The following GRID2 variants were observed in gnomAD, a reference collection of about 807,000 sequenced individuals.
The protein encoded by GRID2 is glutamate ionotropic receptor delta type subunit 2.
Under a neutral mutation model 114.8 loss-of-function variants are expected in GRID2, and 33 were observed. That is an observed-to-expected ratio of 0.29 (90% CI 0.22 to 0.38). The LOEUF (loss-of-function observed/expected upper bound fraction) is 0.38. GRID2 is among the 10% of genes least tolerant of loss of function. The pLI is 1.00. For synonymous variants in GRID2, 505 were observed against 449.9 expected, an observed-to-expected ratio of 1.12 and a Z score of -1.55; for missense variants, 1,184 against 1,257.7, an observed-to-expected ratio of 0.94 and a Z score of 0.89.
intron 1 of GRID2, among the ~76,000 whole-genome samples, chr4:92,347,938 A>C (rs1187936102): frequency 6.6e-6 from 1 of 152,204 alleles, no homozygotes; most frequent in African/African-American, 2.4e-5. Context: ...AGCTTTATAA[A>C]ATAAGTAATA....
intron 8 of GRID2, among the ~76,000 whole-genome samples, chr4:93,344,919 C>T (rs933845951): frequency 2.0e-5 from 3 of 151,464 alleles, no homozygotes; most frequent in Non-Finnish European, 4.4e-5. Flanking sequence ...AAAAGTTCCT[C>T]CAGTTTTATC....
At chr4:93,065,820 A>G (rs1014740567) in intron 2 of GRID2, among the ~76,000 whole-genome samples, 12 of 151,996 alleles carry the variant, frequency 7.9e-5, no homozygotes, top group Non-Finnish European at 1.5e-4. Flanking sequence ...GTTTAGCTGT[A>G]TCCCATCTGC....
intron 2 of GRID2, among the ~76,000 whole-genome samples, chr4:92,792,715 C>T (rs1389635371): frequency 6.6e-6 from 1 of 151,692 alleles, no homozygotes; most frequent in Non-Finnish European, 1.5e-5. Context: ...AGAAATTTTC[C>T]ACATATTTGC....
At chr4:93,050,172 T>C (rs1490539793) in intron 2 of GRID2, among the ~76,000 whole-genome samples, 3 of 152,100 alleles carry the variant, frequency 2.0e-5, no homozygotes, top group African/African-American at 7.2e-5. Flanking sequence ...TAACAATGTA[T>C]AGCCCTGCAA....
intron 4 of GRID2, among the ~76,000 whole-genome samples, chr4:93,119,337 G>GA (rs1733565845): frequency 2.0e-5 from 3 of 151,948 alleles, no homozygotes; most frequent in South Asian, 2.1e-4. Flanking sequence ...ATGATATTTT[G>GA]AAAAAAATGT....
At chr4:93,028,949 C>A (rs1724138381) in intron 2 of GRID2, among the ~76,000 whole-genome samples, 1 of 151,852 alleles carries the variant, frequency 6.6e-6, no homozygotes, top group Non-Finnish European at 1.5e-5. Context: ...TAAATACAAG[C>A]AGAGCAGGAG....
intron 2 of GRID2, among the ~76,000 whole-genome samples, chr4:92,665,304 CT>C (rs1732718606): frequency 6.7e-6 from 1 of 149,310 alleles, no homozygotes; most frequent in South Asian, 2.1e-4. Flanking sequence ...AAAAAAAAAC[CT>C]CTGCTCCTTG....
intron 13 of GRID2, among the ~76,000 whole-genome samples, chr4:93,620,777 G>A (rs778376737): frequency 1.2e-4 from 19 of 152,142 alleles, no homozygotes; most frequent in Admixed American, 2.0e-4. Flanking sequence ...GTGCATAAAC[G>A]AGAAATGGTC....
chr4:93,505,096 C>A (rs748541738), intron 12 of GRID2, among the ~76,000 whole-genome samples: 35 of 151,972 alleles, frequency 2.3e-4, no homozygotes, highest in African/African-American at 8.5e-4. Flanking sequence ...TTAAAAAAAA[C>A]ATGAAGTCAG....
intron 2 of GRID2, among the ~76,000 whole-genome samples, chr4:93,026,241 A>T (rs1435729740): frequency 2.0e-5 from 3 of 151,724 alleles, no homozygotes; most frequent in African/African-American, 7.2e-5. Context: ...CTTTATTCAA[A>T]TGTTTTCTGA....
At chr4:93,795,955 G>T (rs1030556146) in intron 1 of GRID2, among the ~76,000 whole-genome samples, 2 of 152,190 alleles carry the variant, frequency 1.3e-5, no homozygotes, top group African/African-American at 4.8e-5. Flanking sequence ...TGTTGGCTGA[G>T]CCGCCTTTCT....
intron 2 of GRID2, among the ~76,000 whole-genome samples, chr4:92,660,191 T>TGG (rs1732452647): frequency 6.6e-6 from 1 of 151,310 alleles, no homozygotes; most frequent in Non-Finnish European, 1.5e-5. Flanking sequence ...AGGCCAGAGT[T>TGG]GGGCCAAGAT....
chr4:92,776,031 A>T (rs1273962649), intron 2 of GRID2, among the ~76,000 whole-genome samples: 1 of 152,192 alleles, frequency 6.6e-6, no homozygotes. Flanking sequence ...AGGCCATATG[A>T]TTCTGTAAAA....
intron 14 of GRID2, among the ~76,000 whole-genome samples, chr4:93,742,015 T>A (rs1731464703): frequency 6.6e-6 from 1 of 152,052 alleles, no homozygotes. Flanking sequence ...TGGCCAAATC[T>A]AGGAAATAGG....
intron 8 of GRID2, among the ~76,000 whole-genome samples, chr4:93,299,031 T>C (rs976082414): frequency 6.6e-6 from 1 of 152,156 alleles, no homozygotes; most frequent in African/African-American, 2.4e-5. Context: ...AATGTAGTTA[T>C]GATAGAAAAA....
At chr4:93,199,000 AG>A (rs1220140840) in intron 4 of GRID2, among the ~76,000 whole-genome samples, 3 of 152,132 alleles carry the variant, frequency 2.0e-5, no homozygotes, top group African/African-American at 4.8e-5. Context: ...TACTCTGCCA[AG>A]GGTCATTTAG....
intron 4 of GRID2, among the ~76,000 whole-genome samples, chr4:93,162,377 A>G (rs1482951168): frequency 6.6e-6 from 1 of 151,946 alleles, no homozygotes; most frequent in Non-Finnish European, 1.5e-5. Flanking sequence ...GCTCCTTTAA[A>G]ATATAATAAA....
intron 2 of GRID2, among the ~76,000 whole-genome samples, chr4:92,997,361 C>T (rs988003592): frequency 1.3e-5 from 2 of 152,164 alleles, no homozygotes; most frequent in African/African-American, 4.8e-5. Context: ...AAGACTCTCT[C>T]TAAGTCTGTG....
At chr4:92,521,996 T>G (rs1198793759) in intron 1 of GRID2, among the ~76,000 whole-genome samples, 1 of 151,978 alleles carries the variant, frequency 6.6e-6, no homozygotes, top group Admixed American at 6.6e-5. Context: ...TCGTGGAGCC[T>G]ATATTGTACA....
Sources: allele counts gnomAD v4.1 joint callset (sites outside exome capture counted in the v4.1 genomes callset), GRCh38; gene constraint gnomAD v4.1.1; transcripts MANE v1.5; gene names NCBI Gene and HGNC (gene_info 2026-07-23, HGNC 2026-07-21).